CPAMD8: variants seen among roughly 807,000 people sequenced by gnomAD.
CPAMD8 encodes C3 and PZP like alpha-2-macroglobulin domain containing 8, also known as C3 and PZP-like alpha-2-macroglobulin domain-containing protein 8.
Under a neutral mutation model 224.7 loss-of-function variants are expected in CPAMD8, and 146 were observed. The ratio of observed to expected loss-of-function variants is 0.65; its 90% CI spans 0.57 to 0.75. The LOEUF (loss-of-function observed/expected upper bound fraction) is 0.75. Among genes scored for constraint, CPAMD8 ranks in the 30% least tolerant of loss-of-function variants. CPAMD8 has a pLI of 0.00. For missense variants in CPAMD8, 2,301 were observed against 2,537.5 expected (o/e 0.91, Z 2.00); for synonymous variants, 966 against 1,044.6 (o/e 0.92, Z 1.45).
At chr19:16,916,608 GGGCACCT>G (rs780475586) in intron 27 of CPAMD8, among the ~76,000 whole-genome samples, 1 of 151,702 alleles carries the variant, frequency 6.6e-6, no homozygotes, top group Non-Finnish European at 1.5e-5. Context: ...GCGTGGTGGC[GGGCACCT>G]GTAATCCCAG....
Position 16,899,592 on chromosome 19 carries a change from TG to T in CPAMD8, c.4774-44del. Reference sequence around the variant, plus strand: ...AGTCAGGGTCCTCAGACTCTCTACTTGCTTCCTCTCCCATCCCCTGGGGGCA... The same window carrying T: ...AGTCAGGGTCCTCAGACTCTCTACTTCTTCCTCTCCCATCCCCTGGGGGCA... On this transcript the variant is annotated intron_variant, in intron 36 of 41. Transcript: ENST00000443236. The surrounding 1 kb of genome is among the most constrained non-coding windows in gnomAD (Gnocchi z 5.4). The T allele has an allele frequency of 1.1e-6, 1 of 935,224 alleles. No homozygotes were observed. The highest frequency in any genetic ancestry group is 1.8e-6 in the Non-Finnish European group (1 of 561,366). 57.9% of individuals were successfully genotyped at this position (935,224 alleles called of 1,614,324 possible). A position where few individuals can be genotyped will look rare whatever the true frequency, so the allele number is the denominator to read the frequency against.
At chr19:16,927,764 C>T (rs1478920893) in intron 25 of CPAMD8, among the ~76,000 whole-genome samples, 3 of 152,208 alleles carry the variant, frequency 2.0e-5, no homozygotes, top group Non-Finnish European at 4.4e-5. Context: ...TCTAGATCTG[C>T]CATCTCACCT....
At chr19:16,988,779 T>G (rs1300711133) in intron 13 of CPAMD8, among the ~76,000 whole-genome samples, 1 of 152,106 alleles carries the variant, frequency 6.6e-6, no homozygotes. Context: ...CAGTACTGAT[T>G]CATGGCCTGT....
intron 6 of CPAMD8, 47 bp from the exon 7 acceptor site, chr19:17,008,606 G>C (rs2056558735): frequency 6.3e-7 from 1 of 1,592,970 alleles, no homozygotes. Flanking sequence ...ACTCAGGCTA[G>C]CCTAGCATGT....
Position 16,896,615 on chromosome 19 carries a change from C to A in CPAMD8, c.5116G>T (p.Ala1706Ser). 6.6e-7 allele frequency: 1 copy of A among 1,505,352 alleles called. No homozygotes were observed. Among genetic ancestry groups the A allele is most frequent in the Non-Finnish European group, 8.8e-7 (1 of 1,132,826 alleles). 93.2% of individuals were successfully genotyped at this position (1,505,352 alleles called of 1,614,324 possible). ...GPAVAPEEGA[A>S]IARCGCDHDC... is the part of the protein sequence containing the mutation. Reference sequence around the variant, plus strand: ...TGGTCGCAGCCGCATCGCGCGATCGCCGCCCCCTCCTCAGGGGCCACGGCA... The same window carrying A: ...TGGTCGCAGCCGCATCGCGCGATCGACGCCCCCTCCTCAGGGGCCACGGCA... The change falls in exon 40 of 42, where the codon GCG becomes TCG. Residue 1706 changes from alanine to serine, a missense_variant. Coordinates refer to ENST00000443236, the MANE Select transcript of CPAMD8 (RefSeq NM_015692.5).
At chr19:16,979,359 CATCT>C (rs1203341276) in intron 14 of CPAMD8, among the ~76,000 whole-genome samples, 2 of 149,872 alleles carry the variant, frequency 1.3e-5, no homozygotes, top group Non-Finnish European at 3.0e-5. Context: ...TTCATCCATC[CATCT>C]GTCCATCCAT....
intron 13 of CPAMD8, among the ~76,000 whole-genome samples, chr19:16,984,904 CAT>C (rs1387514989): frequency 6.6e-6 from 1 of 152,196 alleles, no homozygotes; most frequent in Non-Finnish European, 1.5e-5. Flanking sequence ...CATGCACACT[CAT>C]GTGTAGTCAC....
At chr19:16,909,282 C>T (rs556883635) in intron 29 of CPAMD8, among the ~76,000 whole-genome samples, 44 of 152,202 alleles carry the variant, frequency 2.9e-4, no homozygotes, top group African/African-American at 1.0e-3. Flanking sequence ...CGGTGGCTCA[C>T]GCCTGTAATC....
Position 17,026,675 on chromosome 19 carries a change from A to T in CPAMD8, c.-33T>A. 7.2e-7 allele frequency: 1 copy of T among 1,382,436 alleles called. No individual in the cohort carries two copies. Among genetic ancestry groups the T allele is most frequent in the Non-Finnish European group, 9.3e-7 (1 of 1,072,682 alleles). 85.6% of individuals were successfully genotyped at this position (1,382,436 alleles called of 1,614,324 possible). A position where few individuals can be genotyped will look rare whatever the true frequency, so the allele number is the denominator to read the frequency against. On this transcript the variant is annotated 5_prime_UTR_variant, in exon 1 of 42. Coordinates refer to ENST00000443236, the MANE Select transcript of CPAMD8 (RefSeq NM_015692.5). ...CTCCTGGGGGGCGCCGCGCCTGGGG[A>T]GGGGGCCGGGCCAGGGCTGGGCCAG...
In CPAMD8 at chr19:16,934,131, T is replaced by C. The variant is rs1043962813; in HGVS notation, c.2845+4264A>G. On this transcript the variant is annotated intron_variant, in intron 23 of 41. Coordinates refer to ENST00000443236, the MANE Select transcript of CPAMD8 (RefSeq NM_015692.5). ...TAACATTCTGGAAAATACAAACTAA[T>C]CTACAGAGACAGAAAGCAGCTCAGT... is the stretch of plus-strand genomic sequence containing the variant. Among the ~76,000 whole-genome samples the C allele has an allele frequency of 7.2e-5, 11 of 152,166 alleles. No homozygotes were observed. The South Asian group carries it at 1.7e-3, about 23-fold the overall frequency.
chr19:16,984,599 G>T (rs2055645620), intron 13 of CPAMD8, among the ~76,000 whole-genome samples: 1 of 152,178 alleles, frequency 6.6e-6, no homozygotes, highest in Non-Finnish European at 1.5e-5. Flanking sequence ...TCAGGAAAGT[G>T]AAAAGATAAC....
intron 30 of CPAMD8, among the ~76,000 whole-genome samples, chr19:16,906,338 C>CTTTCTTTCT (rs1164137109): frequency 3.7e-5 from 1 of 26,868 alleles, no homozygotes; most frequent in Non-Finnish European, 7.3e-5. Context: ...CCTTCTTTCC[C>CTTTCTTTCT]TTTCTTTCTT....
intron 22 of CPAMD8, among the ~76,000 whole-genome samples, chr19:16,945,140 C>A (rs57469951): frequency 0.3 from 45,942 of 152,004 alleles, 8,375 homozygotes; most frequent in African/African-American, 0.51. Flanking sequence ...AAGATCCTGG[C>A]GCCTGCCTCT....
At chr19:16,971,105 T>A in intron 17 of CPAMD8, 72 bp from the exon 18 acceptor site, 1 of 1,345,114 alleles carries the variant, frequency 7.4e-7, no homozygotes, top group Non-Finnish European at 1.0e-6. Flanking sequence ...CATAAGGGAA[T>A]GAATCACCCT....
chr19:16,946,316 C>T (rs529228468), intron 21 of CPAMD8, among the ~76,000 whole-genome samples: 7 of 129,744 alleles, frequency 5.4e-5, no homozygotes, highest in East Asian at 4.8e-4. Context: ...CAGGCATGTG[C>T]GTGTGTGGAT....
rs1280903774 is a variant in CPAMD8, at chr19:17,022,012, G to A, written c.244+18C>T. ...GCAAAAGAAGGGGAAGTCCTGGTCT[G>A]GCACCCAAGGGACCTACCCAGGATG... On this transcript the variant is annotated intron_variant, in intron 2 of 41. Transcript: ENST00000443236. The A allele has an allele frequency of 6.3e-7, 1 of 1,580,576 alleles. No homozygotes were observed. The highest frequency in any genetic ancestry group is 1.8e-5 in the Admixed American group (1 of 55,664).
At chr19:16,960,282 C>T (rs1599787114) in intron 18 of CPAMD8, among the ~76,000 whole-genome samples, 1 of 152,036 alleles carries the variant, frequency 6.6e-6, no homozygotes, top group Non-Finnish European at 1.5e-5. Flanking sequence ...ACCATCAACA[C>T]CTCTCCTAGG....
intron 7 of CPAMD8, among the ~76,000 whole-genome samples, chr19:17,007,363 A>C (rs2056520496): frequency 1.3e-5 from 2 of 151,834 alleles, no homozygotes; most frequent in South Asian, 4.2e-4. Flanking sequence ...GAAAAGAAAA[A>C]GGAGAAGGAG....
chr19:16,904,983 G>C (rs906614923), intron 30 of CPAMD8, among the ~76,000 whole-genome samples: 2 of 152,240 alleles, frequency 1.3e-5, no homozygotes, highest in African/African-American at 4.8e-5. Flanking sequence ...GCTCACGCCT[G>C]TAATCCGAGC....
Sources: allele counts gnomAD v4.1 joint callset (sites outside exome capture counted in the v4.1 genomes callset), GRCh38; gene constraint gnomAD v4.1.1; non-coding constraint Gnocchi (gnomAD v3.1); transcripts MANE v1.5; gene names NCBI Gene and HGNC (gene_info 2026-07-23, HGNC 2026-07-21).